The following SLC44A1 variants were observed in gnomAD, a reference collection of about 807,000 sequenced individuals.
SLC44A1 encodes solute carrier family 44 member 1.
SLC44A1 carries 26 observed loss-of-function variants against 79.3 expected under a neutral mutation model. The ratio of observed to expected loss-of-function variants is 0.33; its 90% CI spans 0.24 to 0.46. The LOEUF (loss-of-function observed/expected upper bound fraction) is 0.46, where lower values mean the gene tolerates loss of function less well. SLC44A1 is among the 20% of genes least tolerant of loss of function. The pLI is 1.00. For synonymous variants in SLC44A1, 263 were observed against 286.2 expected, an observed-to-expected ratio of 0.92 and a Z score of 0.82; for missense variants, 688 against 798.1, an observed-to-expected ratio of 0.86 and a Z score of 1.66.
chr9:105,274,515 C>G (rs912701320), intron 1 of SLC44A1, among the ~76,000 whole-genome samples: 2 of 152,190 alleles, frequency 1.3e-5, no homozygotes, highest in Non-Finnish European at 2.9e-5. Context: ...CACTGACCAC[C>G]TCCTTCTCTG....
intron 15 of SLC44A1, among the ~76,000 whole-genome samples, chr9:105,428,768 C>T (rs529702866): frequency 5.3e-5 from 8 of 152,298 alleles, no homozygotes; most frequent in African/African-American, 1.7e-4. Flanking sequence ...GGCGCAATCT[C>T]GGCGCCCTAC....
At chr9:105,250,177 A>G (rs974011357) in intron 1 of SLC44A1, among the ~76,000 whole-genome samples, 3 of 152,044 alleles carry the variant, frequency 2.0e-5, no homozygotes, top group African/African-American at 7.2e-5. Flanking sequence ...CACCCGGCCT[A>G]CTTTTTTATC....
chr9:105,323,992 C>CTTTTTGTTTTTG (rs371832925), intron 3 of SLC44A1, among the ~76,000 whole-genome samples: 1 of 151,890 alleles, frequency 6.6e-6, no homozygotes, highest in East Asian at 1.9e-4. Context: ...CTCCCAAGTG[C>CTTTTTGTTTTTG]TTTTTGTTTT....
At chr9:105,367,617 A>G (rs150050890) in intron 12 of SLC44A1, among the ~76,000 whole-genome samples, 76 of 152,314 alleles carry the variant, frequency 5.0e-4, no homozygotes, top group African/African-American at 1.8e-3. Context: ...AGATGTGCTA[A>G]GCCCAGATCT....
chr9:105,311,220 T>G (rs914251469), intron 3 of SLC44A1, among the ~76,000 whole-genome samples: 1 of 152,204 alleles, frequency 6.6e-6, no homozygotes, highest in East Asian at 1.9e-4. Flanking sequence ...AACTTTAGAC[T>G]CATATAAGTT....
intron 1 of SLC44A1, among the ~76,000 whole-genome samples, chr9:105,257,890 A>G (rs1434125226): frequency 6.6e-6 from 1 of 152,198 alleles, no homozygotes; most frequent in Non-Finnish European, 1.5e-5. Flanking sequence ...GAAGGCATTC[A>G]TATTTGAAGG....
rs562396606 is a variant in SLC44A1 at position 105,395,070 on chromosome 9, G to C, written c.*6014G>C. The C allele has an allele frequency of 1.0e-6, 1 of 985,450 alleles. No homozygotes were observed. Among genetic ancestry groups the C allele is most frequent in the South Asian group, 4.7e-5 (1 of 21,290 alleles). The allele number at this position is 985,450 out of a possible 1,614,324, so 61.0% of individuals were successfully genotyped here. On this transcript the variant is annotated 3_prime_UTR_variant, in exon 16 of 16. Transcript: ENST00000374720. The stretch of plus-strand genomic sequence containing the variant: ...GAAGTTCTTGTGAAATTTGATCCCA[G>C]TGGCTCATGACTTATAGTCAGGCAT...
chr9:105,395,094 A>G lies in SLC44A1; in HGVS notation c.*6038A>G, dbSNP rs567333912. ...AGTGGCTCATGACTTATAGTCAGGC[A>G]TCAAACCATTTCCTACTTTTTCAGG... On this transcript the variant is annotated 3_prime_UTR_variant, in exon 16 of 16. Coordinates refer to ENST00000374720, the MANE Select transcript of SLC44A1 (RefSeq NM_080546.5). 9 of 985,510 alleles carry G rather than the reference A, an allele frequency of 9.1e-6. No homozygotes were observed. In the South Asian group the frequency reaches 3.8e-4, roughly 41 times the overall value. 61.0% of individuals were successfully genotyped at this position (985,510 alleles called of 1,614,324 possible). A position where few individuals can be genotyped will look rare whatever the true frequency, so the allele number is the denominator to read the frequency against.
At chr9:105,360,242 C>G (rs955101271) in intron 7 of SLC44A1, among the ~76,000 whole-genome samples, 1 of 152,166 alleles carries the variant, frequency 6.6e-6, no homozygotes, top group South Asian at 2.1e-4. Context: ...TTCCATTGCT[C>G]AGATATCATC....
intron 12 of SLC44A1, among the ~76,000 whole-genome samples, chr9:105,373,757 T>C (rs2131440456): frequency 6.6e-6 from 1 of 152,322 alleles, no homozygotes; most frequent in Non-Finnish European, 1.5e-5. Context: ...GCAGCTCTTC[T>C]CATTATGTTA....
intron 1 of SLC44A1, among the ~76,000 whole-genome samples, chr9:105,293,224 AT>A (rs961951180): frequency 6.6e-6 from 1 of 152,196 alleles, no homozygotes; most frequent in African/African-American, 2.4e-5. Flanking sequence ...TTTATAGCAC[AT>A]TTTCCATTAT....
intron 3 of SLC44A1, among the ~76,000 whole-genome samples, chr9:105,317,968 CCT>C (rs1388574889): frequency 1.3e-5 from 2 of 152,092 alleles, no homozygotes; most frequent in Non-Finnish European, 2.9e-5. Flanking sequence ...GGAAAGCACT[CCT>C]CTCTCTGTCT....
chr9:105,246,173 C>T (rs77273403), intron 1 of SLC44A1, among the ~76,000 whole-genome samples: 2,364 of 152,226 alleles, frequency 0.016, 65 homozygotes, highest in African/African-American at 0.053. Flanking sequence ...GAAAAAATTC[C>T]TCCAGAAAGC....
chr9:105,262,305 A>G (rs1829860512), intron 1 of SLC44A1, among the ~76,000 whole-genome samples: 1 of 152,212 alleles, frequency 6.6e-6, no homozygotes, highest in Admixed American at 6.5e-5. Flanking sequence ...GTCTGTAGGC[A>G]TGACAGCATT....
At chr9:105,266,409 C>T (rs1460968121) in intron 1 of SLC44A1, among the ~76,000 whole-genome samples, 1 of 152,118 alleles carries the variant, frequency 6.6e-6, no homozygotes, top group African/African-American at 2.4e-5. Flanking sequence ...ATATTTTCTC[C>T]TATGTTTTAT....
At chr9:105,277,327 T>C (rs755512311) in intron 1 of SLC44A1, among the ~76,000 whole-genome samples, 2 of 152,186 alleles carry the variant, frequency 1.3e-5, no homozygotes, top group African/African-American at 2.4e-5. Context: ...CTTCAGAAAT[T>C]TGCACAACCC....
At chr9:105,263,893 T>G (rs1488496853) in intron 1 of SLC44A1, among the ~76,000 whole-genome samples, 1 of 152,062 alleles carries the variant, frequency 6.6e-6, no homozygotes, top group East Asian at 1.9e-4. Flanking sequence ...TTTAAAAAGC[T>G]CCCCACCCTC....
At chr9:105,420,944 C>CTTTGATGTCCT (rs1462065386) in intron 15 of SLC44A1, among the ~76,000 whole-genome samples, 1 of 148,880 alleles carries the variant, frequency 6.7e-6, no homozygotes, top group Non-Finnish European at 1.5e-5. Flanking sequence ...CTGAGTTAAG[C>CTTTGATGTCCT]ACTGCAAGAG....
chr9:105,402,237 G>C (rs1363477980), downstream of SLC44A1, among the ~76,000 whole-genome samples: 1 of 152,186 alleles, frequency 6.6e-6, no homozygotes, highest in Non-Finnish European at 1.5e-5. Flanking sequence ...ACTGCGTTGA[G>C]AGTGGAAATC....
Sources: gnomAD v4.1 joint callset for allele counts (sites outside exome capture counted in the v4.1 genomes callset) on GRCh38, gnomAD v4.1.1 for gene constraint, MANE v1.5 for transcripts, NCBI Gene and HGNC (gene_info 2026-07-23, HGNC 2026-07-21) for gene names.